CDKAL1: variants seen among roughly 807,000 people sequenced by gnomAD.
CDKAL1 encodes the protein CDKAL1 threonylcarbamoyladenosine tRNA methylthiotransferase.
A neutral mutation model predicts 68.2 loss-of-function variants in CDKAL1; 32 were observed. That is an observed-to-expected ratio of 0.47 (90% CI 0.35 to 0.63). CDKAL1 has a LOEUF of 0.63. CDKAL1 is among the 30% of genes least tolerant of loss of function. The pLI is 0.00. For missense variants in CDKAL1, 606 were observed against 696.7 expected (o/e 0.87, Z 1.47); for synonymous variants, 234 against 244.3 (o/e 0.96, Z 0.39).
At chr6:20,636,251 G>A (rs1021303380) in intron 4 of CDKAL1, among the ~76,000 whole-genome samples, 40 of 152,198 alleles carry the variant, frequency 2.6e-4, no homozygotes, top group African/African-American at 8.7e-4. Context: ...ATATTTTGGG[G>A]TAGTGTGCTC....
In CDKAL1 at chr6:20,761,638, G is replaced by A. The variant is rs146668132; in HGVS notation, c.517+2995G>A. Among the ~76,000 whole-genome samples, 322 of 152,222 alleles carry A rather than the reference G, an allele frequency of 2.1e-3. 1 individual carries two copies. The highest frequency in any genetic ancestry group is 7.3e-3 in the African/African-American group (302 of 41,546). ...GAAATGACATAGAGGGACTTTAAATGCATACTATGATGTGAAAGACATCAA... is the reference window on the plus strand; with the variant it reads ...GAAATGACATAGAGGGACTTTAAATACATACTATGATGTGAAAGACATCAA... On this transcript the variant is annotated intron_variant, in intron 7 of 15. Coordinates refer to ENST00000274695, the MANE Select transcript of CDKAL1 (RefSeq NM_017774.3).
At chr6:20,609,279 C>T (rs1231376673) in intron 4 of CDKAL1, among the ~76,000 whole-genome samples, 5 of 146,668 alleles carry the variant, frequency 3.4e-5, no homozygotes, top group Admixed American at 1.4e-4. Context: ...TCCTTCTCCT[C>T]CTTCTCCTTC....
At chr6:20,700,900 T>TG (rs915813337) in intron 5 of CDKAL1, among the ~76,000 whole-genome samples, 1 of 151,628 alleles carries the variant, frequency 6.6e-6, no homozygotes, top group African/African-American at 2.4e-5. Context: ...TTTTGGGTTT[T>TG]TTTTTTTTTT....
intron 6 of CDKAL1, among the ~76,000 whole-genome samples, chr6:20,742,072 C>CT (rs1316540883): frequency 1.3e-5 from 2 of 152,270 alleles, no homozygotes; most frequent in African/African-American, 4.8e-5. Context: ...TGACACTGAG[C>CT]TTTTTTTCAT....
chr6:20,770,984 C>T (rs4710947), intron 7 of CDKAL1, among the ~76,000 whole-genome samples: 146,006 of 152,266 alleles, frequency 0.96, 70,015 homozygotes, highest in East Asian at 1. Flanking sequence ...GAAACATCTG[C>T]CAGATCATCT....
In CDKAL1 at chr6:21,065,234, A is replaced by G; in HGVS notation, c.1236+6A>G. ...AACAAGTTCCAGCACAAGTGGTAAG[A>G]TCTTTTTCTTGTAAGGTATTGTTTT... On this transcript the variant is annotated splice_donor_region_variant and intron_variant, in intron 12 of 15. Coordinates refer to ENST00000274695, the MANE Select transcript of CDKAL1 (RefSeq NM_017774.3). 1 of 1,597,270 alleles carries G rather than the reference A, an allele frequency of 6.3e-7. No individual in the cohort carries two copies. The highest frequency in any genetic ancestry group is 8.5e-7 in the Non-Finnish European group (1 of 1,173,910).
At chr6:20,639,703 C>T (rs902391595) in intron 4 of CDKAL1, among the ~76,000 whole-genome samples, 1 of 152,248 alleles carries the variant, frequency 6.6e-6, no homozygotes, top group Non-Finnish European at 1.5e-5. Context: ...TGGAGTCTCG[C>T]TCTGCTGCTC....
chr6:21,150,168 G>A (rs1270696557), intron 13 of CDKAL1, among the ~76,000 whole-genome samples: 2 of 152,082 alleles, frequency 1.3e-5, no homozygotes, highest in South Asian at 2.1e-4. Flanking sequence ...TGTCCTGAAC[G>A]TTTCTGTTCC....
At chr6:20,682,451 G>C (rs1356271591) in intron 5 of CDKAL1, among the ~76,000 whole-genome samples, 1 of 152,138 alleles carries the variant, frequency 6.6e-6, no homozygotes, top group African/African-American at 2.4e-5. Context: ...GGCTGGAGAG[G>C]CCTTAGGAAA....
intron 11 of CDKAL1, among the ~76,000 whole-genome samples, chr6:21,007,517 A>G (rs1377916979): frequency 1.3e-5 from 2 of 150,666 alleles, no homozygotes; most frequent in Middle Eastern, 3.6e-3. Flanking sequence ...AAAGCCCACA[A>G]TGAATTAATG....
intron 12 of CDKAL1, among the ~76,000 whole-genome samples, chr6:21,100,296 T>G (rs1562030883): frequency 6.6e-6 from 1 of 152,170 alleles, no homozygotes; most frequent in Non-Finnish European, 1.5e-5. Flanking sequence ...TACAGTTGGG[T>G]GAACAAATTC....
intron 13 of CDKAL1, among the ~76,000 whole-genome samples, chr6:21,145,977 G>C (rs1309804085): frequency 1.3e-5 from 2 of 152,198 alleles, no homozygotes; most frequent in Admixed American, 6.5e-5. Context: ...AACACAAAGA[G>C]TGGTATTTCC....
intron 13 of CDKAL1, among the ~76,000 whole-genome samples, chr6:21,153,260 AT>A (rs1776500834): frequency 8.7e-6 from 1 of 115,092 alleles, no homozygotes; most frequent in Non-Finnish European, 1.7e-5. Flanking sequence ...TTTTTTTTTA[AT>A]CGTTAAGCGT....
chr6:20,949,151 C>G (rs1407532938), intron 9 of CDKAL1, among the ~76,000 whole-genome samples: 1 of 152,176 alleles, frequency 6.6e-6, no homozygotes, highest in Non-Finnish European at 1.5e-5. Context: ...GAGTATTGAT[C>G]TGTCTGAACT....
chr6:21,182,793 C>G (rs752710149), intron 13 of CDKAL1, among the ~76,000 whole-genome samples: 2 of 152,122 alleles, frequency 1.3e-5, no homozygotes, highest in Non-Finnish European at 2.9e-5. Flanking sequence ...AATCTTTCAC[C>G]CTGGTCCCAC....
At chr6:20,698,235 A>G (rs1164723899) in intron 5 of CDKAL1, among the ~76,000 whole-genome samples, 4 of 152,186 alleles carry the variant, frequency 2.6e-5, no homozygotes, top group Non-Finnish European at 1.5e-5. Flanking sequence ...ATTTTAGACA[A>G]CGTTTTGATT....
At chr6:20,828,597 G>A (rs911962508) in intron 8 of CDKAL1, among the ~76,000 whole-genome samples, 1 of 151,946 alleles carries the variant, frequency 6.6e-6, no homozygotes, top group African/African-American at 2.4e-5. Context: ...TTATCTTTAG[G>A]TAATTGGTGA....
intron 15 of CDKAL1, among the ~76,000 whole-genome samples, chr6:21,225,719 T>C (rs1201597798): frequency 6.6e-6 from 1 of 152,168 alleles, no homozygotes; most frequent in African/African-American, 2.4e-5. Flanking sequence ...TCAAAACCCA[T>C]GCTCATTCAT....
At chr6:21,076,179 C>T (rs1772063172) in intron 12 of CDKAL1, among the ~76,000 whole-genome samples, 1 of 152,146 alleles carries the variant, frequency 6.6e-6, no homozygotes, top group South Asian at 2.1e-4. Flanking sequence ...CCAAAACGGT[C>T]TCTGGCAGAT....
Sources: allele counts gnomAD v4.1 joint callset (sites outside exome capture counted in the v4.1 genomes callset), GRCh38; gene constraint gnomAD v4.1.1; transcripts MANE v1.5; gene names NCBI Gene and HGNC (gene_info 2026-07-23, HGNC 2026-07-21).